Variants in LRRK2 observed in about 807,000 individuals in gnomAD.
LRRK2 encodes the protein leucine-rich repeat serine/threonine-protein kinase 2.
A neutral mutation model predicts 302.6 loss-of-function variants in LRRK2; 203 were observed. That is an observed-to-expected ratio of 0.67 (90% CI 0.60 to 0.75). LRRK2 has a LOEUF of 0.75. Ranked by LOEUF, LRRK2 falls within the 30% of genes least tolerant of loss-of-function variation. The pLI is 0.00. For synonymous variants in LRRK2, 1,066 were observed against 1,031.9 expected, an observed-to-expected ratio of 1.03 and a Z score of -0.63; for missense variants, 2,830 against 2,951.0, an observed-to-expected ratio of 0.96 and a Z score of 0.95.
chr12:40,305,837 A>G lies in LRRK2; in HGVS notation c.3830A>G (p.Tyr1277Cys), dbSNP rs1335832693. ...AATCTGACATCTCTGGATGTCAGTTACAACTTGGAACTAAGATCCTTTCCC... is the reference window on the plus strand; with the variant it reads ...AATCTGACATCTCTGGATGTCAGTTGCAACTTGGAACTAAGATCCTTTCCC... Reference protein sequence around the residue: ...LENLTSLDVSYNLELRSFPNE... With the variant: ...LENLTSLDVSCNLELRSFPNE... The change falls in exon 28 of 51, where the codon TAC (tyrosine) becomes TGC (cysteine). Residue 1277 changes from tyrosine (Y) to cysteine (C), a missense_variant. This residue lies in a region of LRRK2 where 2,121 missense variants were observed against 2,148.0 expected (regional missense o/e 0.99). Coordinates refer to ENST00000298910, the MANE Select transcript of LRRK2 (RefSeq NM_198578.4). 1 of 1,613,530 alleles carries G rather than the reference A, an allele frequency of 6.2e-7. No individual in the cohort carries two copies. Among genetic ancestry groups the G allele is most frequent in the African/African-American group, 1.3e-5 (1 of 74,860 alleles).
At chr12:40,340,484 A>T (rs72547986) in intron 41 of LRRK2, 30 bp downstream of exon 41, 1 of 1,611,466 alleles carries the variant, frequency 6.2e-7, no homozygotes, top group South Asian at 1.1e-5. Flanking sequence ...TCATAATTCT[A>T]TCTTCAGGAT....
chr12:40,302,124 G>A (rs556196187), intron 25 of LRRK2, among the ~76,000 whole-genome samples: 4 of 152,104 alleles, frequency 2.6e-5, no homozygotes, highest in Non-Finnish European at 5.9e-5. Context: ...ATTGCATTGA[G>A]CTGAGATCAC....
In LRRK2 at chr12:40,235,665, A is replaced by T; in HGVS notation, c.387A>T (p.Val129=). The T allele has an allele frequency of 6.2e-7, 1 of 1,610,114 alleles. No homozygotes were observed. The highest frequency in any genetic ancestry group is 8.5e-7 in the Non-Finnish European group (1 of 1,176,448). ...LKMLTVHNAS[V]NLSVIGLKTL... ...TGCTAACAGTTCATAATGCCAGTGT[A>T]AACTTGTCAGTGATTGGACTGAAGA... Residue 129 remains valine (V), a synonymous_variant, in exon 4 of 51, where the codon GTA becomes GTT. Transcript: ENST00000298910.
At chr12:40,278,339 T>G in intron 18 of LRRK2, 78 bp downstream of exon 18, 1 of 1,508,128 alleles carries the variant, frequency 6.6e-7, no homozygotes, top group Non-Finnish European at 9.2e-7. Context: ...GTGTATCTCT[T>G]ACTTATATCA....
intron 5 of LRRK2, among the ~76,000 whole-genome samples, chr12:40,239,895 A>G (rs1419088589): frequency 6.6e-6 from 1 of 152,324 alleles, no homozygotes; most frequent in East Asian, 1.9e-4. Context: ...CATGTTTTTC[A>G]GGTTGTTGCC....
At chr12:40,273,171 C>A (rs568306486) in intron 14 of LRRK2, among the ~76,000 whole-genome samples, 1 of 152,222 alleles carries the variant, frequency 6.6e-6, no homozygotes, top group Admixed American at 6.5e-5. Flanking sequence ...CTTTATATTT[C>A]TTGAATAAAA....
intron 24 of LRRK2, 147 bp from the exon 25 acceptor site, chr12:40,298,962 A>G (rs1200737358): frequency 1.3e-5 from 6 of 464,480 alleles, no homozygotes; most frequent in Non-Finnish European, 2.1e-5. Flanking sequence ...TACAACTTTT[A>G]TCAACTGACT....
intron 25 of LRRK2, among the ~76,000 whole-genome samples, chr12:40,301,293 G>A (rs10878340): frequency 0.5 from 75,296 of 151,860 alleles, 20,080 homozygotes; most frequent in East Asian, 0.62. Flanking sequence ...GTGTGGTGGC[G>A]TGTGACTATA....
intron 2 of LRRK2, among the ~76,000 whole-genome samples, chr12:40,227,107 T>G (rs1435254938): frequency 6.6e-6 from 1 of 152,188 alleles, no homozygotes; most frequent in Non-Finnish European, 1.5e-5. Context: ...CACTTAGTAT[T>G]TCTGCCTAGA....
chr12:40,309,219 C>T lies in LRRK2; in HGVS notation c.4303C>T (p.Leu1435Phe). ...QAEVDAMKPW[L>F]FNIKARASSS... ...TGAAGTTGATGCCATGAAGCCTTGG[C>T]TCTTCAATATAAAGGTGATTTGTTC... The change falls in exon 30 of 51, where the codon CTC (leucine) becomes TTC (phenylalanine). Residue 1435 changes from leucine to phenylalanine, a missense_variant. By Grantham distance (22) the Leu-to-Phe change is conservative. Around this residue, in one of 3 missense-constraint regions of LRRK2, gnomAD observed 2,121 missense variants for 2,148.0 expected, o/e 0.99. Transcript: ENST00000298910. 6.2e-7 allele frequency: 1 copy of T among 1,613,702 alleles called. No homozygotes were observed. The highest frequency in any genetic ancestry group is 1.1e-5 in the South Asian group (1 of 91,054).
At chr12:40,315,128 G>A (rs938700108) in intron 32 of LRRK2, 84 bp from the exon 33 acceptor site, 2 of 1,108,842 alleles carry the variant, frequency 1.8e-6, no homozygotes, top group African/African-American at 3.1e-5. Context: ...TGCAAAATGA[G>A]GAAGTTGGAC....
At position 40,251,646 on chromosome 12, in the gene LRRK2, G is replaced by T. The variant is rs1209851151; in HGVS notation, c.1181+102G>T. ...AACTTTTATTGTTAGAAATATTTTT[G>T]ATATAGGCATTTAGTTTTAGATGTT... is the stretch of plus-strand genomic sequence containing the variant. On this transcript the variant is annotated intron_variant, in intron 10 of 50. Transcript: ENST00000298910. 3 of 1,045,904 alleles carry T rather than the reference G, an allele frequency of 2.9e-6. No homozygotes were observed. In the African/African-American group the frequency reaches 4.8e-5, roughly 17 times the overall value. 64.8% of individuals were successfully genotyped at this position (1,045,904 alleles called of 1,614,324 possible).
At chr12:40,310,070 A>G (rs767161146) in intron 30 of LRRK2, among the ~76,000 whole-genome samples, 6 of 152,128 alleles carry the variant, frequency 3.9e-5, no homozygotes, top group Non-Finnish European at 5.9e-5. Flanking sequence ...AATATAAACT[A>G]TATGACGTTA....
chr12:40,277,405 G>A (rs1943504303), intron 16 of LRRK2, among the ~76,000 whole-genome samples: 1 of 152,134 alleles, frequency 6.6e-6, no homozygotes, highest in Admixed American at 6.5e-5. Flanking sequence ...GTCCACACTA[G>A]CCTTTCTGAG....
chr12:40,341,489 T>C lies in LRRK2; in HGVS notation c.6109+1035T>C, dbSNP rs146373824. Among the ~76,000 whole-genome samples the C allele has an allele frequency of 8.1e-4, 124 of 152,334 alleles. 5 individuals carry two copies. The East Asian group carries it at 0.023, about 28-fold the overall frequency. The stretch of plus-strand genomic sequence containing the variant: ...AGTTACATTTTAGAAGTAGACTGTG[T>C]ATTCTCATAAACACTTCAAAGTGTA... On this transcript the variant is annotated intron_variant, in intron 41 of 50. Transcript: ENST00000298910.
rs963253780 is a variant in LRRK2, at chr12:40,263,910, A to C, written c.1656+9A>C. The stretch of plus-strand genomic sequence containing the variant: ...TAGCAGCTTTGAACAGGGTATGTTG[A>C]ATATAAGTTTTCTGTATTTATACTA... On this transcript the variant is annotated intron_variant, in intron 14 of 50. Coordinates refer to ENST00000298910, the MANE Select transcript of LRRK2 (RefSeq NM_198578.4). The C allele has an allele frequency of 5.1e-6, 8 of 1,573,498 alleles. No individual in the cohort carries two copies. The Admixed American group carries it at 1.0e-4, about 20-fold the overall frequency.
intron 34 of LRRK2, 77 bp from the exon 35 acceptor site, chr12:40,320,957 T>G (rs1592284672): frequency 1.1e-5 from 16 of 1,476,772 alleles, no homozygotes; most frequent in African/African-American, 9.7e-5. Context: ...TCATTGACTT[T>G]AAGCAGTAAA....
chr12:40,260,441 A>G (rs1212250822), intron 13 of LRRK2, among the ~76,000 whole-genome samples: 1 of 151,594 alleles, frequency 6.6e-6, no homozygotes, highest in Non-Finnish European at 1.5e-5. Context: ...AGGCCAAGGA[A>G]GACATTTCAA....
intron 40 of LRRK2, among the ~76,000 whole-genome samples, chr12:40,338,876 A>G (rs1206891421): frequency 6.6e-6 from 1 of 152,202 alleles, no homozygotes; most frequent in Non-Finnish European, 1.5e-5. Flanking sequence ...GGGGAAGAGT[A>G]CCTAATGGCC....
Sources: allele counts gnomAD v4.1 joint callset (sites outside exome capture counted in the v4.1 genomes callset), GRCh38; gene constraint gnomAD v4.1.1; regional missense constraint gnomAD v4.1.1; transcripts MANE v1.5; gene names NCBI Gene and HGNC (gene_info 2026-07-23, HGNC 2026-07-21).